The following PCDH15 variants were observed in gnomAD, a reference collection of about 807,000 sequenced individuals.
PCDH15 encodes protocadherin related 15.
PCDH15 carries 129 observed loss-of-function variants against 178.5 expected under a neutral mutation model. The observed-to-expected ratio is 0.72, with a 90% CI of 0.63 to 0.84. PCDH15 has a LOEUF of 0.84. Among genes scored for constraint, PCDH15 ranks in the 40% least tolerant of loss-of-function variants. The probability of loss-of-function intolerance (pLI) is 0.00; values close to 1 mark genes in which losing one functional copy is unlikely to be tolerated. For synonymous variants in PCDH15, 800 were observed against 732.0 expected, an observed-to-expected ratio of 1.09 and a Z score of -1.50; for missense variants, 2,230 against 2,099.9, an observed-to-expected ratio of 1.06 and a Z score of -1.21.
chr10:55,553,664 A>G (rs1282236355), intron 2 of PCDH15, among the ~76,000 whole-genome samples: 1 of 151,784 alleles, frequency 6.6e-6, no homozygotes, highest in African/African-American at 2.4e-5. Context: ...AGTAACATAA[A>G]CCCTGTATCT....
chr10:54,090,034 T>A lies in PCDH15; in HGVS notation c.1947A>T (p.Thr649=). The A allele has an allele frequency of 6.2e-7, 1 of 1,612,444 alleles. No homozygotes were observed. The highest frequency in any genetic ancestry group is 1.7e-5 in the Admixed American group (1 of 59,966). The change falls in exon 16 of 38, where the codon ACA becomes ACT. Residue 649 remains threonine (T), a synonymous_variant. Transcript: ENST00000644397. ...QATDREGDSI[T]YAIENGDPQR... ...GAGGATCTCCATTCTCAATGGCATA[T>A]GTTATTGAGTCTCCCTCTCGATCAG...
intron 1 of PCDH15, among the ~76,000 whole-genome samples, chr10:54,666,536 A>G (rs1390890123): frequency 6.6e-6 from 1 of 152,098 alleles, no homozygotes; most frequent in Non-Finnish European, 1.5e-5. Context: ...ACAAAGGATT[A>G]GAGCTCTACT....
intron 37 of PCDH15, chr10:53,809,242 G>T: frequency 6.2e-7 from 1 of 1,613,824 alleles, no homozygotes; most frequent in Non-Finnish European, 8.5e-7. Flanking sequence ...ATAGTCGCTG[G>T]AGGATTCCTC....
chr10:53,918,010 T>C (rs115149604), intron 25 of PCDH15, among the ~76,000 whole-genome samples: 1,761 of 152,216 alleles, frequency 0.012, 28 homozygotes, highest in African/African-American at 0.037. Flanking sequence ...CAAGAGCAGA[T>C]GCCAGCACCA....
At chr10:55,256,761 G>A (rs1388887105) in intron 1 of PCDH15, among the ~76,000 whole-genome samples, 3 of 152,212 alleles carry the variant, frequency 2.0e-5, no homozygotes, top group Admixed American at 1.3e-4. Flanking sequence ...CGCAGCTCAA[G>A]GAGGCCTGCC....
intron 1 of PCDH15, among the ~76,000 whole-genome samples, chr10:55,277,932 T>C (rs983645715): frequency 1.3e-5 from 2 of 152,088 alleles, no homozygotes; most frequent in Non-Finnish European, 1.5e-5. Flanking sequence ...TCAGGTTTTG[T>C]TTACTACTGT....
At chr10:54,383,614 CGTGTATGTGTGTTTTTGT>C (rs1452144814) in intron 3 of PCDH15, among the ~76,000 whole-genome samples, 3 of 73,020 alleles carry the variant, frequency 4.1e-5, no homozygotes, top group African/African-American at 9.1e-5. Flanking sequence ...CATACCATGC[CGTGTATGTGTGTTTTTGT>C]GTGTGTGTGT....
chr10:55,444,756 C>A (rs1322391691), intron 2 of PCDH15, among the ~76,000 whole-genome samples: 1 of 152,050 alleles, frequency 6.6e-6, no homozygotes, highest in African/African-American at 2.4e-5. Context: ...TTCCATTTCC[C>A]ATTTGAAGCC....
At chr10:53,881,403 A>G (rs1373856351) in intron 26 of PCDH15, among the ~76,000 whole-genome samples, 1 of 152,174 alleles carries the variant, frequency 6.6e-6, no homozygotes, top group Non-Finnish European at 1.5e-5. Context: ...CCACTACACA[A>G]TACATCCATA....
intron 3 of PCDH15, among the ~76,000 whole-genome samples, chr10:54,815,144 G>T (rs922206268): frequency 6.8e-6 from 1 of 146,578 alleles, no homozygotes. Context: ...AAATATGTTG[G>T]TTTTTTTTTT....
chr10:55,395,191 G>GTT lies in PCDH15; in HGVS notation c.-155-228541_-155-228540insAA, dbSNP rs1837892727. Reference sequence around the variant, plus strand: ...TGCGTGTGTGTGTGTGTGTGTGTGTGTGTGTGAGAGAGAGAGAGAGAGAGA... The same window carrying GTT: ...TGCGTGTGTGTGTGTGTGTGTGTGTGTTTGTGTGAGAGAGAGAGAGAGAGAGA... On this transcript the variant is annotated intron_variant, in intron 2 of 5. Coordinates refer to the PCDH15 transcript ENST00000613346. Among the ~76,000 whole-genome samples the GTT allele has an allele frequency of 7.9e-5, 7 of 88,670 alleles. No individual in the cohort carries two copies. The South Asian group carries it at 2.7e-3, about 34-fold the overall frequency. The allele number at this position is 88,670 out of a possible 152,430, so 58.2% of individuals were successfully genotyped here. A position where few individuals can be genotyped will look rare whatever the true frequency, so the allele number is the denominator to read the frequency against.
intron 5 of PCDH15, among the ~76,000 whole-genome samples, chr10:54,359,708 T>G (rs541085537): frequency 5.5e-4 from 83 of 152,100 alleles, no homozygotes; most frequent in Non-Finnish European, 9.3e-4. Context: ...GAGGAAGAGA[T>G]AGATTTTCAT....
chr10:53,818,107 G>A, intron 33 of PCDH15, 94 bp from the exon 34 acceptor site: 1 of 395,068 alleles, frequency 2.5e-6, no homozygotes, highest in East Asian at 3.6e-5. Context: ...AAAAATGTCT[G>A]AGTAAAACTG....
At position 55,433,372 on chromosome 10, in the gene PCDH15, A is replaced by G. The variant is rs193154568; in HGVS notation, c.-156+194253T>C. 2.7e-4 allele frequency among the ~76,000 whole-genome samples: 41 copies of G among 152,334 alleles called. 1 individual carries two copies. The highest frequency in any genetic ancestry group is 9.6e-4 in the African/African-American group (40 of 41,588). ...CTCGTAAGTGGTAGCTAAACATTGA[A>G]TACACATGGACACAAAGAAAGTAAC... is the stretch of plus-strand genomic sequence containing the variant. On this transcript the variant is annotated intron_variant, in intron 2 of 5. Transcript: ENST00000613346.
rs1566221590 is a variant in PCDH15, at chr10:54,779,452, T to TATATGTGTATATATATATATACACA, written c.-29+21472_-29+21473insTGTGTATATATATATATACACATAT. On this transcript the variant is annotated intron_variant, in intron 1 of 37. Coordinates refer to ENST00000644397, the MANE Select transcript of PCDH15 (RefSeq NM_001384140.1). Reference sequence around the variant, plus strand: ...CACATATGTGTATATATATATACACTCATATATGTGTGTATATATATACAC... The same window carrying TATATGTGTATATATATATATACACA: ...CACATATGTGTATATATATATACACTATATGTGTATATATATATATACACACATATATGTGTGTATATATATACAC... Among the ~76,000 whole-genome samples the TATATGTGTATATATATATATACACA allele has an allele frequency of 1.4e-4, 15 of 110,900 alleles. No individual in the cohort carries two copies. The South Asian group carries it at 4.5e-3, about 34-fold the overall frequency. The allele number at this position is 110,900 out of a possible 152,430, so 72.8% of individuals were successfully genotyped here.
At chr10:55,283,028 G>T (rs1335484802) in intron 1 of PCDH15, among the ~76,000 whole-genome samples, 1 of 152,126 alleles carries the variant, frequency 6.6e-6, no homozygotes, top group Non-Finnish European at 1.5e-5. Context: ...GGACCACACT[G>T]CCTTTGCAGG....
At chr10:54,742,913 C>A (rs1944992787) in intron 1 of PCDH15, among the ~76,000 whole-genome samples, 1 of 151,956 alleles carries the variant, frequency 6.6e-6, no homozygotes, top group Non-Finnish European at 1.5e-5. Context: ...TTCAAATGAC[C>A]TTGTGTAGAA....
intron 2 of PCDH15, chr10:54,528,435 G>A: frequency 6.5e-7 from 1 of 1,542,748 alleles, no homozygotes; most frequent in Non-Finnish European, 8.8e-7. Context: ...ATCAATGGAA[G>A]CAGATCAGAA....
chr10:54,710,957 C>T (rs947846515), intron 1 of PCDH15, among the ~76,000 whole-genome samples: 10 of 151,922 alleles, frequency 6.6e-5, no homozygotes, highest in Admixed American at 4.6e-4. Context: ...CAGGCATAAA[C>T]CGGATTGCTT....
Sources: allele counts gnomAD v4.1 joint callset (sites outside exome capture counted in the v4.1 genomes callset), GRCh38; gene constraint gnomAD v4.1.1; transcripts MANE v1.5; gene names NCBI Gene and HGNC (gene_info 2026-07-23, HGNC 2026-07-21).